MAN1C1: variants seen among roughly 807,000 people sequenced by gnomAD.
MAN1C1 encodes mannosyl-oligosaccharide 1,2-alpha-mannosidase IC.
MAN1C1 carries 49 observed loss-of-function variants against 71.5 expected under a neutral mutation model. That is an observed-to-expected ratio of 0.69 (90% CI 0.54 to 0.87). MAN1C1 has a LOEUF of 0.87. Among genes scored for constraint, MAN1C1 ranks in the 40% least tolerant of loss-of-function variants. MAN1C1 has a pLI of 0.00. For missense variants in MAN1C1, 743 were observed against 835.0 expected (o/e 0.89, Z 1.36); for synonymous variants, 352 against 343.7 (o/e 1.02, Z -0.27).
intron 6 of MAN1C1, 35 bp from the exon 7 acceptor site, chr1:25,763,839 G>T (rs759617636): frequency 1.3e-6 from 2 of 1,579,526 alleles, no homozygotes; most frequent in South Asian, 2.2e-5. Context: ...TTCTTCGGAA[G>T]CATGAAGGCT....
At chr1:25,619,493 T>C (rs2045172839) in intron 1 of MAN1C1, among the ~76,000 whole-genome samples, 1 of 152,204 alleles carries the variant, frequency 6.6e-6, no homozygotes, top group African/African-American at 2.4e-5. Context: ...CCCTTCTCCT[T>C]GTCTGAACCA....
intron 2 of MAN1C1, among the ~76,000 whole-genome samples, chr1:25,688,643 A>G (rs2046266618): frequency 6.6e-6 from 1 of 152,208 alleles, no homozygotes; most frequent in Non-Finnish European, 1.5e-5. Flanking sequence ...GGAATGGTGG[A>G]AAGAACCCGG....
chr1:25,642,570 TC>T (rs2045552378), intron 1 of MAN1C1, among the ~76,000 whole-genome samples: 1 of 152,202 alleles, frequency 6.6e-6, no homozygotes, highest in African/African-American at 2.4e-5. Flanking sequence ...GAGCTCTGTT[TC>T]TATGCAAGAA....
At position 25,634,782 on chromosome 1, in the gene MAN1C1, T is replaced by C. The variant is rs1254430159; in HGVS notation, c.540+16445T>C. Among the ~76,000 whole-genome samples the C allele has an allele frequency of 1.3e-5, 2 of 152,160 alleles. No homozygotes were observed. Among genetic ancestry groups the C allele is most frequent in the African/African-American group, 4.8e-5 (2 of 41,484 alleles). On this transcript the variant is annotated intron_variant, in intron 1 of 11. Coordinates refer to ENST00000374332, the MANE Select transcript of MAN1C1 (RefSeq NM_020379.4). This position sits in a 1 kb window ranked among gnomAD's most constrained non-coding sequence, Gnocchi z 4.6. ...TTGCAGTAAGTCGAGATTGTGCCAC[T>C]GCACTCCAGCCTGGGCAACAGAGCG...
In MAN1C1 at chr1:25,737,400, G is replaced by GCC. The variant is rs150665016; in HGVS notation, c.638-9262_638-9261dup. On this transcript the variant is annotated intron_variant, in intron 2 of 11. Coordinates refer to ENST00000374332, the MANE Select transcript of MAN1C1 (RefSeq NM_020379.4). ...CCTGACGTCTGTGGCTGCCCATTTC[G>GCC]CCCCCCCGACAGGGATTTCCTTGGT... Among the ~76,000 whole-genome samples the GCC allele has an allele frequency of 2.7e-3, 418 of 152,142 alleles. 2 individuals carry two copies. The highest frequency in any genetic ancestry group is 8.7e-3 in the African/African-American group (363 of 41,498).
intron 6 of MAN1C1, among the ~76,000 whole-genome samples, chr1:25,762,525 C>A (rs554497254): frequency 6.6e-6 from 1 of 151,774 alleles, no homozygotes; most frequent in East Asian, 1.9e-4. Flanking sequence ...CCTTCAGGTT[C>A]AAGCAGTGCT....
chr1:25,643,586 T>TTTATTATTATTA (rs376041844), intron 1 of MAN1C1, among the ~76,000 whole-genome samples: 67 of 139,862 alleles, frequency 4.8e-4, no homozygotes, highest in African/African-American at 1.8e-3. Flanking sequence ...TATATATATA[T>TTTATTATTATTA]TTATTATTAT....
chr1:25,656,439 G>A (rs1265192950), intron 1 of MAN1C1, among the ~76,000 whole-genome samples: 3 of 152,068 alleles, frequency 2.0e-5, no homozygotes, highest in African/African-American at 4.8e-5. Flanking sequence ...ATAAGGCTAC[G>A]GAGACATTTG....
At chr1:25,758,751 T>C in intron 6 of MAN1C1, 42 bp downstream of exon 6, 3 of 1,553,246 alleles carry the variant, frequency 1.9e-6, no homozygotes, top group South Asian at 2.2e-5. Flanking sequence ...AGCAGAGGGA[T>C]GAGCGTGCGG....
At chr1:25,719,281 C>T (rs1456476360) in intron 2 of MAN1C1, among the ~76,000 whole-genome samples, 1 of 150,012 alleles carries the variant, frequency 6.7e-6, no homozygotes, top group Non-Finnish European at 1.5e-5. Flanking sequence ...CCATGTTGGC[C>T]AGGCTGGTCT....
chr1:25,628,645 T>C (rs911952199), intron 1 of MAN1C1, among the ~76,000 whole-genome samples: 2 of 152,136 alleles, frequency 1.3e-5, no homozygotes, highest in Non-Finnish European at 2.9e-5. Context: ...GTGCAAGTGG[T>C]CTTTGGTTAC....
At chr1:25,677,697 T>A (rs1430646612) in intron 1 of MAN1C1, among the ~76,000 whole-genome samples, 1 of 152,108 alleles carries the variant, frequency 6.6e-6, no homozygotes, top group Non-Finnish European at 1.5e-5. Flanking sequence ...TTTCTGAGTC[T>A]ATATTCTTAT....
chr1:25,778,114 A>G lies in MAN1C1; in HGVS notation c.1267A>G (p.Thr423Ala). 6.4e-7 allele frequency: 1 copy of G among 1,560,274 alleles called. No homozygotes were observed. The highest frequency in any genetic ancestry group is 8.7e-7 in the Non-Finnish European group (1 of 1,148,354). Residue 423 changes from threonine (T) to alanine (A), a missense_variant, in exon 9 of 12, where the codon ACC (threonine) becomes GCC (alanine). By Grantham distance (58) the Thr-to-Ala change is moderately conservative (BLOSUM62 0). Coordinates refer to ENST00000374332, the MANE Select transcript of MAN1C1 (RefSeq NM_020379.4). The surrounding 1 kb of genome is among the most constrained non-coding windows in gnomAD (Gnocchi z 5.5). ...MYYEALEAIE[T>A]YLLNVSPGGL... is the part of the protein sequence containing the mutation. ...CCCACCTTGCTCCCAGGCGATAGAGACCTACTTGCTGAATGTCTCTCCCGG... is the reference window on the plus strand; with the variant it reads ...CCCACCTTGCTCCCAGGCGATAGAGGCCTACTTGCTGAATGTCTCTCCCGG...
chr1:25,621,523 G>A (rs1297478969), intron 1 of MAN1C1, among the ~76,000 whole-genome samples: 1 of 152,168 alleles, frequency 6.6e-6, no homozygotes, highest in Non-Finnish European at 1.5e-5. Flanking sequence ...ACATGGGAAT[G>A]TACAGCTTTT....
intron 1 of MAN1C1, among the ~76,000 whole-genome samples, chr1:25,680,152 T>A (rs2046131484): frequency 6.6e-6 from 1 of 151,998 alleles, no homozygotes; most frequent in Admixed American, 6.6e-5. Context: ...AACCTCTGCC[T>A]CCCGGGTTCA....
chr1:25,645,092 G>C (rs987837791), intron 1 of MAN1C1: 1 of 152,322 alleles, frequency 6.6e-6, no homozygotes, highest in African/African-American at 2.4e-5. Context: ...CAGCCACTGG[G>C]GGGCTTTCCT....
At chr1:25,748,819 C>T (rs2047173256) in intron 3 of MAN1C1, among the ~76,000 whole-genome samples, 1 of 152,220 alleles carries the variant, frequency 6.6e-6, no homozygotes, top group Non-Finnish European at 1.5e-5. Flanking sequence ...CTGTCTGCCC[C>T]ACAGCCTCCT....
At chr1:25,752,378 G>C (rs2047228562) in intron 4 of MAN1C1, among the ~76,000 whole-genome samples, 1 of 152,088 alleles carries the variant, frequency 6.6e-6, no homozygotes, top group African/African-American at 2.4e-5. Flanking sequence ...TGTTGGCCAG[G>C]ATGGTCTCGA....
intron 6 of MAN1C1, chr1:25,758,963 A>G: frequency 2.1e-6 from 1 of 477,934 alleles, no homozygotes; most frequent in Non-Finnish European, 3.8e-6. Flanking sequence ...TGCCGGGGAA[A>G]AGGTTCTCAC....
Sources: gnomAD v4.1 joint callset for allele counts (sites outside exome capture counted in the v4.1 genomes callset) on GRCh38, gnomAD v4.1.1 for gene constraint, Gnocchi (gnomAD v3.1) non-coding constraint, MANE v1.5 for transcripts, NCBI Gene and HGNC (gene_info 2026-07-23, HGNC 2026-07-21) for gene names.